The following NCOR1 variants were observed in gnomAD, a reference collection of about 807,000 sequenced individuals.
NCOR1 encodes protein phosphatase 1, regulatory subunit 109.
A neutral mutation model predicts 288.1 loss-of-function variants in NCOR1; 63 were observed. That is an observed-to-expected ratio of 0.22 (90% CI 0.18 to 0.27). The LOEUF (loss-of-function observed/expected upper bound fraction) is 0.27. Ranked by LOEUF, NCOR1 falls within the 10% of genes least tolerant of loss-of-function variation. The probability of loss-of-function intolerance (pLI) is 1.00; values close to 1 mark genes in which losing one functional copy is unlikely to be tolerated. For missense variants in NCOR1, 2,397 were observed against 3,019.2 expected (o/e 0.79, Z 4.83); for synonymous variants, 1,007 against 1,065.9 (o/e 0.94, Z 1.08).
chr17:16,131,997 C>G (rs978079433), intron 14 of NCOR1, among the ~76,000 whole-genome samples: 2 of 152,208 alleles, frequency 1.3e-5, no homozygotes, highest in African/African-American at 4.8e-5. Flanking sequence ...GCAGAGCACT[C>G]TGGGGCTAGA....
chr17:16,056,240 G>C (rs1443039140), intron 40 of NCOR1, among the ~76,000 whole-genome samples: 1 of 149,222 alleles, frequency 6.7e-6, no homozygotes, highest in African/African-American at 2.5e-5. Flanking sequence ...TGTCCTCTAT[G>C]TCTTCAGGTA....
At chr17:16,146,791 T>G (rs1255996799) in intron 9 of NCOR1, among the ~76,000 whole-genome samples, 1 of 152,224 alleles carries the variant, frequency 6.6e-6, no homozygotes, top group Non-Finnish European at 1.5e-5. Context: ...TGCATATTTA[T>G]AAACTACTTG....
intron 40 of NCOR1, among the ~76,000 whole-genome samples, chr17:16,051,688 G>A (rs569478127): frequency 1.3e-5 from 2 of 152,206 alleles, no homozygotes; most frequent in East Asian, 3.9e-4. Context: ...AAGGCAGGCG[G>A]ATCACCGGAG....
intron 3 of NCOR1, among the ~76,000 whole-genome samples, chr17:16,177,419 G>A (rs1203284943): frequency 6.7e-6 from 1 of 150,188 alleles, no homozygotes; most frequent in African/African-American, 2.5e-5. Context: ...GAATATATTC[G>A]CCTCATTTGT....
chr17:16,172,853 C>T (rs1447735258), intron 3 of NCOR1, among the ~76,000 whole-genome samples: 1 of 152,144 alleles, frequency 6.6e-6, no homozygotes, highest in African/African-American at 2.4e-5. Context: ...TCATGGCCAA[C>T]CTGTAAACTA....
intron 45 of NCOR1, among the ~76,000 whole-genome samples, chr17:16,034,167 A>G (rs556433350): frequency 6.6e-6 from 1 of 152,320 alleles, no homozygotes; most frequent in South Asian, 2.1e-4. Context: ...TTGCTTTGCA[A>G]ATAGTCAATG....
rs781456795 is a variant in NCOR1, at chr17:16,098,441, C to G, written c.2746G>C (p.Val916Leu). 2 of 1,613,696 alleles carry G rather than the reference C, an allele frequency of 1.2e-6. No individual in the cohort carries two copies. Among genetic ancestry groups the G allele is most frequent in the Non-Finnish European group, 1.7e-6 (2 of 1,179,786 alleles). Residue 916 changes from valine to leucine, a missense_variant, in exon 21 of 46, where the codon GTC becomes CTC. Around this residue, in one of 11 missense-constraint regions of NCOR1, gnomAD observed 1,872 missense variants for 2,187.8 expected, o/e 0.86. Coordinates refer to ENST00000268712, the MANE Select transcript of NCOR1 (RefSeq NM_006311.4). ...SLLNPTGSIL[V>L]SSPLKPNPLD... ...GGATTTGGTTTTAACGGAGATGAGA[C>G]GAGTATAGATCCAGTGGGGTTTAAC...
intron 4 of NCOR1, among the ~76,000 whole-genome samples, chr17:16,167,622 G>A (rs2082257991): frequency 6.6e-6 from 1 of 151,852 alleles, no homozygotes; most frequent in African/African-American, 2.4e-5. Context: ...CACTTTGGGA[G>A]GCCGAGGCGG....
intron 18 of NCOR1, 129 bp downstream of exon 18, chr17:16,117,759 T>C: frequency 1.0e-6 from 1 of 973,550 alleles, no homozygotes; most frequent in Admixed American, 3.6e-5. Context: ...GAGGAAGAGT[T>C]TGCAGTGAGC....
At chr17:16,087,132 T>C in intron 22 of NCOR1, 1 of 1,285,186 alleles carries the variant, frequency 7.8e-7, no homozygotes, top group South Asian at 1.3e-5. Context: ...CATCTGTGGG[T>C]GGATGGCCAG....
intron 1 of NCOR1, among the ~76,000 whole-genome samples, chr17:16,204,589 A>G (rs2153595360): frequency 6.6e-6 from 1 of 152,360 alleles, no homozygotes. Flanking sequence ...AGACACATAG[A>G]GGCATATAAT....
chr17:16,055,281 C>T (rs960020848), intron 40 of NCOR1, among the ~76,000 whole-genome samples: 1 of 152,182 alleles, frequency 6.6e-6, no homozygotes, highest in African/African-American at 2.4e-5. Context: ...ACCCAAATGC[C>T]CATCAGTGAT....
chr17:16,212,693 C>T (rs1380816970), intron 1 of NCOR1, among the ~76,000 whole-genome samples: 2 of 152,178 alleles, frequency 1.3e-5, no homozygotes, highest in Non-Finnish European at 2.9e-5. Flanking sequence ...CATCAACCCC[C>T]AGTCTATCCA....
Position 16,141,565 on chromosome 17 carries a change from A to G in NCOR1, c.1173+2041T>C, listed in dbSNP as rs566774743. On this transcript the variant is annotated intron_variant, in intron 11 of 45. Transcript: ENST00000268712. ...ACTATATACTTTTATTTAGTTATGA[A>G]TGCAAAACAGGGTATCATAATTAAA... is the stretch of plus-strand genomic sequence containing the variant. Among the ~76,000 whole-genome samples the G allele has an allele frequency of 1.6e-4, 24 of 152,340 alleles. No homozygotes were observed. The South Asian group carries it at 5.0e-3, about 32-fold the overall frequency.
chr17:16,073,121 T>TA (rs1247779786), intron 28 of NCOR1, among the ~76,000 whole-genome samples: 3 of 152,242 alleles, frequency 2.0e-5, no homozygotes, highest in African/African-American at 7.2e-5. Context: ...TTAACTCACT[T>TA]AGCTGAAACA....
intron 26 of NCOR1, among the ~76,000 whole-genome samples, chr17:16,076,806 G>A (rs2152780243): frequency 1.3e-5 from 2 of 152,278 alleles, no homozygotes; most frequent in South Asian, 4.1e-4. Context: ...GTGGTCTGCT[G>A]CCAGTCTGAG....
chr17:16,072,133 C>G lies in NCOR1; in HGVS notation c.3895+12G>C. 3 of 1,581,250 alleles carry G rather than the reference C, an allele frequency of 1.9e-6. No homozygotes were observed. Among genetic ancestry groups the G allele is most frequent in the Non-Finnish European group, 2.6e-6 (3 of 1,161,952 alleles). On this transcript the variant is annotated intron_variant, in intron 29 of 45. Coordinates refer to ENST00000268712, the MANE Select transcript of NCOR1 (RefSeq NM_006311.4). Reference sequence around the variant, plus strand: ...GTTATAAATAAAAATGCAAAACAAGCAGAAAGTTTACCCTGCATTATGGAG... The same window carrying G: ...GTTATAAATAAAAATGCAAAACAAGGAGAAAGTTTACCCTGCATTATGGAG...
At chr17:16,151,905 C>A (rs572655824) in intron 8 of NCOR1, 41 bp downstream of exon 8, 4 of 1,387,910 alleles carry the variant, frequency 2.9e-6, no homozygotes, top group Non-Finnish European at 4.1e-6. Context: ...ATAGAATATA[C>A]GGTCTTTAAT....
chr17:16,061,627 T>A lies in NCOR1; in HGVS notation c.5655A>T (p.Ser1885=), dbSNP rs2152601314. Reference sequence around the variant, plus strand: ...GCTGGGGCTTGCCACTTGGAAAGGCTGAAGAAGTGTATAAACACTGAACAG... The same window carrying A: ...GCTGGGGCTTGCCACTTGGAAAGGCAGAAGAAGTGTATAAACACTGAACAG... The part of the protein sequence containing the change: ...KRSVQCLYTS[S]AFPSGKPQPH... The change falls in exon 37 of 46, where the codon TCA becomes TCT. Residue 1885 remains serine (S), a synonymous_variant. Coordinates refer to ENST00000268712, the MANE Select transcript of NCOR1 (RefSeq NM_006311.4). 6.2e-7 allele frequency: 1 copy of A among 1,614,224 alleles called. No homozygotes were observed. Among genetic ancestry groups the A allele is most frequent in the Non-Finnish European group, 8.5e-7 (1 of 1,180,036 alleles).
Sources: gnomAD v4.1 joint callset for allele counts (sites outside exome capture counted in the v4.1 genomes callset) on GRCh38, gnomAD v4.1.1 for gene constraint, gnomAD v4.1.1 regional missense constraint, MANE v1.5 for transcripts, NCBI Gene and HGNC (gene_info 2026-07-23, HGNC 2026-07-21) for gene names.